PTCD3: variants seen among roughly 807,000 people sequenced by gnomAD.
PTCD3 encodes small ribosomal subunit protein mS39.
In PTCD3, 89 loss-of-function variants were observed where a neutral mutation model predicts 101.9. The ratio of observed to expected loss-of-function variants is 0.87; its 90% confidence interval spans 0.74 to 1.04. PTCD3 has a LOEUF of 1.04. Among genes scored for constraint, PTCD3 ranks in the 50% least tolerant of loss-of-function variants. PTCD3 has a pLI of 0.00. For missense variants in PTCD3, 870 were observed against 828.2 expected (o/e 1.05, Z -0.62); for synonymous variants, 296 against 278.5 (o/e 1.06, Z -0.63).
Position 86,125,100 on chromosome 2 carries a change from A to T in PTCD3, c.804+18A>T, listed in dbSNP as rs1674359552. 1 of 1,611,840 alleles carries T rather than the reference A, an allele frequency of 6.2e-7. No homozygotes were observed. Among genetic ancestry groups the T allele is most frequent in the Non-Finnish European group, 8.5e-7 (1 of 1,179,528 alleles). ...TGGTGAAGGTACATTTGTTTTATTT[A>T]TTTTTGTCTTTCATTTCCACCGATC... On this transcript the variant is annotated intron_variant, in intron 10 of 23. Coordinates refer to ENST00000254630, the MANE Select transcript of PTCD3 (RefSeq NM_017952.6).
chr2:86,109,332 G>A (rs541905987), intron 3 of PTCD3, among the ~76,000 whole-genome samples: 2 of 151,928 alleles, frequency 1.3e-5, no homozygotes, highest in Non-Finnish European at 2.9e-5. Context: ...GCGTGAACCC[G>A]GGAGACGGAG....
At chr2:86,107,345 C>G (rs192655418) in intron 1 of PTCD3, 3 of 397,254 alleles carry the variant, frequency 7.6e-6, no homozygotes, top group Non-Finnish European at 1.5e-5. Flanking sequence ...ATCTCAGAAA[C>G]TTGAAAGAGT....
At chr2:86,134,148 C>G in intron 19 of PTCD3, 144 bp from the exon 20 acceptor site, 1 of 610,318 alleles carries the variant, frequency 1.6e-6, no homozygotes, top group Non-Finnish European at 2.9e-6. Context: ...ACTGTGAATC[C>G]TGGTGGGTTT....
Position 86,127,874 on chromosome 2 carries a change from A to G in PTCD3, c.1097-67A>G, listed in dbSNP as rs1674423822. On this transcript the variant is annotated intron_variant, in intron 13 of 23. Coordinates refer to ENST00000254630, the MANE Select transcript of PTCD3 (RefSeq NM_017952.6). ...GTTTTTAATTCAGTGTGTCTCAGTA[A>G]ACTATGTTTTGGATTGCTGTGTTTT... The G allele has an allele frequency of 3.2e-6, 4 of 1,235,528 alleles. No individual in the cohort carries two copies. In the African/African-American group the frequency reaches 5.9e-5, roughly 18 times the overall value. The allele number at this position is 1,235,528 out of a possible 1,614,324, so 76.5% of individuals were successfully genotyped here. A position where few individuals can be genotyped will look rare whatever the true frequency, so the allele number is the denominator to read the frequency against.
Position 86,127,263 on chromosome 2 carries a change from C to T in PTCD3, c.1054C>T (p.Pro352Ser). ...AAGATTTCATGTGTTTGCAAGATCG[C>T]CAGCCTTACAGGTTTTACGTGAAAT... is the stretch of plus-strand genomic sequence containing the variant. Reference protein sequence around the residue: ...LRRFHVFARSPALQVLREMKA... With the variant: ...LRRFHVFARSSALQVLREMKA... The change falls in exon 13 of 24, where the codon CCA becomes TCA. Residue 352 changes from proline (P) to serine (S), a missense_variant. Coordinates refer to ENST00000254630, the MANE Select transcript of PTCD3 (RefSeq NM_017952.6). 6.2e-7 allele frequency: 1 copy of T among 1,614,088 alleles called. No homozygotes were observed. The highest frequency in any genetic ancestry group is 8.5e-7 in the Non-Finnish European group (1 of 1,180,006).
chr2:86,111,189 T>C, intron 4 of PTCD3, 31 bp downstream of exon 4: 1 of 1,582,406 alleles, frequency 6.3e-7, no homozygotes, highest in Non-Finnish European at 8.7e-7. Flanking sequence ...TTTTTTAACC[T>C]AAAACTTGGC....
intron 14 of PTCD3, among the ~76,000 whole-genome samples, chr2:86,130,169 C>A (rs1249886223): frequency 1.3e-5 from 2 of 151,962 alleles, no homozygotes; most frequent in Non-Finnish European, 2.9e-5. Context: ...GGCGTGGTGG[C>A]GAGGGCGTTA....
At chr2:86,136,315 C>T (rs1280636355) in intron 21 of PTCD3, among the ~76,000 whole-genome samples, 1 of 141,220 alleles carries the variant, frequency 7.1e-6, no homozygotes, top group Non-Finnish European at 1.6e-5. Flanking sequence ...AGTGTAGATT[C>T]GTTTGGGGAG....
chr2:86,133,018 C>A, intron 17 of PTCD3, 160 bp from the exon 18 acceptor site: 1 of 1,176,548 alleles, frequency 8.5e-7, no homozygotes, highest in Non-Finnish European at 1.2e-6. Context: ...AGTCAGCACA[C>A]ACTGGCAGCT....
At chr2:86,112,672 ACT>A (rs1167369057) in intron 4 of PTCD3, among the ~76,000 whole-genome samples, 1 of 117,310 alleles carries the variant, frequency 8.5e-6, no homozygotes, top group Non-Finnish European at 1.7e-5. Context: ...AGTTAGTGAG[ACT>A]CTGTCTCAAA....
In PTCD3 at chr2:86,140,153, G is replaced by A. The variant is rs972653047; in HGVS notation, c.*2594G>A. On this transcript the variant is annotated 3_prime_UTR_variant, in exon 24 of 24. Transcript: ENST00000254630. ...GCTACTAAAAGTAGGGCATATGACC[G>A]CCTAAGAAACAGAACTTCGAGAAGT... 6.7e-6 allele frequency: 1 copy of A among 148,682 alleles called. No homozygotes were observed. The highest frequency in any genetic ancestry group is 1.5e-5 in the Non-Finnish European group (1 of 67,678). The allele number at this position is 148,682 out of a possible 1,614,324, so 9.2% of individuals were successfully genotyped here. A position where few individuals can be genotyped will look rare whatever the true frequency, so the allele number is the denominator to read the frequency against.
At position 86,137,100 on chromosome 2, in the gene PTCD3, CAG is replaced by C. The variant is rs1674600167; in HGVS notation, c.1944_1945del (p.Arg648SerfsTer4). 6.2e-7 allele frequency: 1 copy of C among 1,606,464 alleles called. No homozygotes were observed. Among genetic ancestry groups the C allele is most frequent in the African/African-American group, 1.3e-5 (1 of 74,564 alleles). ...CTTACCTATTTGTGAGGGCCTCACC[CAG>C]AGAGTAATGAGTGATTTTGCAATCA... ...FSLPICEGLTQRVMSDFAINQ... is the reference protein window; with the variant it reads ...FSLPICEGLTXRVMSDFAINQ... On this transcript the variant is annotated frameshift_variant, in exon 23 of 24. Transcript: ENST00000254630. LOFTEE classifies it low-confidence loss of function (END_TRUNC).
In PTCD3 at chr2:86,118,955, A is replaced by G. The variant is rs1674230415; in HGVS notation, c.449A>G (p.Lys150Arg). ...CCTGAGTACTTTGAACCTCAGATCAAAGACATAAGTGAAGCCGCCCTGAAG... is the reference window on the plus strand; with the variant it reads ...CCTGAGTACTTTGAACCTCAGATCAGAGACATAAGTGAAGCCGCCCTGAAG... ...LMPEYFEPQIKDISEAALKER... is the reference protein window; with the variant it reads ...LMPEYFEPQIRDISEAALKER... The change falls in exon 7 of 24, where the codon AAA becomes AGA. Residue 150 changes from lysine (K) to arginine (R), a missense_variant. Physicochemically the swap from Lys to Arg is conservative, Grantham distance 26. Transcript: ENST00000254630. 1 of 1,613,930 alleles carries G rather than the reference A, an allele frequency of 6.2e-7. No homozygotes were observed. Among genetic ancestry groups the G allele is most frequent in the Non-Finnish European group, 8.5e-7 (1 of 1,179,886 alleles).
chr2:86,132,627 T>TTG (rs201825229), intron 17 of PTCD3: 7,963 of 378,722 alleles, frequency 0.021, 88 homozygotes, highest in Non-Finnish European at 0.029. Flanking sequence ...TAAGGGTTTT[T>TTG]TTTTTTTTTT....
At chr2:86,113,224 A>C (rs1259842831) in intron 4 of PTCD3, among the ~76,000 whole-genome samples, 2 of 152,196 alleles carry the variant, frequency 1.3e-5, no homozygotes, top group African/African-American at 4.8e-5. Flanking sequence ...CTACTACTGT[A>C]TTGTTGATTT....
intron 12 of PTCD3, among the ~76,000 whole-genome samples, chr2:86,126,892 C>T (rs976572118): frequency 7.3e-5 from 11 of 150,992 alleles, no homozygotes; most frequent in African/African-American, 2.2e-4. Context: ...ATTATTTTTG[C>T]GTCTTTTCTT....
chr2:86,108,305 A>G, intron 1 of PTCD3, 45 bp from the exon 2 acceptor site: 1 of 1,581,790 alleles, frequency 6.3e-7, no homozygotes, highest in South Asian at 1.2e-5. Flanking sequence ...TGAGCTGGGT[A>G]CTTCATTAAT....
intron 4 of PTCD3, among the ~76,000 whole-genome samples, chr2:86,112,331 C>T (rs1005498868): frequency 6.7e-6 from 1 of 150,032 alleles, no homozygotes; most frequent in South Asian, 2.1e-4. Flanking sequence ...GCTGGGATTA[C>T]AGATGTGAGC....
chr2:86,139,862 T>TA lies in PTCD3; in HGVS notation c.*2304dup, dbSNP rs889038480. 7 of 152,142 alleles carry TA rather than the reference T, an allele frequency of 4.6e-5. No individual in the cohort carries two copies. The highest frequency in any genetic ancestry group is 1.2e-4 in the African/African-American group (5 of 41,440). 9.4% of individuals were successfully genotyped at this position (152,142 alleles called of 1,614,324 possible). ...GGAATGGGAAGGGGAAGGGGAGTCT[T>TA]ACTATATGTGGAATAAACTTGCTCA... On this transcript the variant is annotated 3_prime_UTR_variant, in exon 24 of 24. Transcript: ENST00000254630.
Sources: allele counts gnomAD v4.1 joint callset (sites outside exome capture counted in the v4.1 genomes callset), GRCh38; gene constraint gnomAD v4.1.1; transcripts MANE v1.5; gene names NCBI Gene and HGNC (gene_info 2026-07-23, HGNC 2026-07-21).